Variants in CKAP5 observed in about 807,000 individuals in gnomAD.
CKAP5 encodes the protein cytoskeleton-associated protein 5.
CKAP5 carries 27 observed loss-of-function variants against 232.8 expected under a neutral mutation model. The ratio of observed to expected loss-of-function variants is 0.12; its 90% CI spans 0.09 to 0.16. The LOEUF (loss-of-function observed/expected upper bound fraction) is 0.16. CKAP5 is among the 10% of genes least tolerant of loss of function. CKAP5 has a pLI of 1.00. For missense variants in CKAP5, 1,838 were observed against 2,424.7 expected (o/e 0.76, Z 5.08); for synonymous variants, 785 against 841.1 (o/e 0.93, Z 1.16).
chr11:46,790,763 C>CA (rs1938700331), intron 13 of CKAP5, among the ~76,000 whole-genome samples, 180 bp from the exon 14 acceptor site: 1 of 152,110 alleles, frequency 6.6e-6, no homozygotes, highest in Non-Finnish European at 1.5e-5. Flanking sequence ...CTTCCCACCT[C>CA]AGCCTACTGT....
Position 46,795,717 on chromosome 11 carries a change from A to G in CKAP5, c.1527T>C (p.Ala509=), listed in dbSNP as rs750823299. The G allele has an allele frequency of 1.2e-6, 2 of 1,614,114 alleles. No individual in the cohort carries two copies. The highest frequency in any genetic ancestry group is 2.2e-5 in the East Asian group (1 of 44,888). Residue 509 remains alanine, a synonymous_variant, in exon 13 of 44, where the codon GCT becomes GCC. Transcript: ENST00000529230. ...GCAGAGGTTTGAATTCCTTCTTATC[A>G]GCAGCTAGTCCAGCTTTCTTACCAT... The part of the protein sequence containing the change: ...LIHGKKAGLA[A]DKKEFKPLPG...
chr11:46,829,838 A>ATGTGTGTGTGTGTG (rs57602333), intron 1 of CKAP5, among the ~76,000 whole-genome samples: 2 of 143,032 alleles, frequency 1.4e-5, no homozygotes, highest in Middle Eastern at 3.3e-3. Flanking sequence ...CCTTTTTTGT[A>ATGTGTGTGTGTGTG]TGTGTGTGTG....
intron 1 of CKAP5, among the ~76,000 whole-genome samples, chr11:46,826,154 G>C (rs1235696121): frequency 6.6e-6 from 1 of 152,192 alleles, no homozygotes; most frequent in Non-Finnish European, 1.5e-5. Context: ...TTCCTTCAGA[G>C]ATGGAGAGGG....
chr11:46,770,298 TCA>T (rs1565726551), intron 25 of CKAP5, 200 bp from the exon 26 acceptor site: 1 of 599,100 alleles, frequency 1.7e-6, no homozygotes, highest in Admixed American at 2.9e-5. Context: ...TTCTAGAAGG[TCA>T]CAGTTTTCAC....
intron 22 of CKAP5, 34 bp from the exon 23 acceptor site, chr11:46,777,586 C>T (rs777789362): frequency 1.3e-5 from 19 of 1,432,782 alleles, no homozygotes; most frequent in Admixed American, 1.0e-4. Context: ...TATGTTGAAA[C>T]GATAAGCAAG....
At chr11:46,798,716 T>C (rs868709621) in intron 9 of CKAP5, among the ~76,000 whole-genome samples, 2 of 152,152 alleles carry the variant, frequency 1.3e-5, no homozygotes, top group African/African-American at 4.8e-5. Flanking sequence ...GGAGAGACTG[T>C]TAATGGGCAA....
intron 24 of CKAP5, 48 bp from the exon 25 acceptor site, chr11:46,771,030 T>C: frequency 6.7e-7 from 1 of 1,499,510 alleles, no homozygotes; most frequent in Non-Finnish European, 9.2e-7. Context: ...TGAAGACTGT[T>C]ATCATTTATG....
Position 46,811,128 on chromosome 11 carries a change from G to A in CKAP5, c.509C>T (p.Pro170Leu). ...CTTCTCTCGAGACTCAAAGAGTTTTGGCAACACTTTGATAATTGGCTTAAG... is the reference window on the plus strand; with the variant it reads ...CTTCTCTCGAGACTCAAAGAGTTTTAGCAACACTTTGATAATTGGCTTAAG... ...ILLKPIIKVL[P>L]KLFESREKAV... is the part of the protein sequence containing the mutation. The change falls in exon 5 of 44, where the codon CCA becomes CTA. Residue 170 changes from proline (P) to leucine (L), a missense_variant. Pro to Leu is a moderately conservative substitution (Grantham distance 98). Transcript: ENST00000529230. 6.2e-7 allele frequency: 1 copy of A among 1,613,836 alleles called. No homozygotes were observed.
intron 4 of CKAP5, 95 bp downstream of exon 4, chr11:46,816,103 T>G: frequency 1.0e-6 from 1 of 988,306 alleles, no homozygotes. Flanking sequence ...CACACAATTC[T>G]TCCATGGAAA....
intron 1 of CKAP5, among the ~76,000 whole-genome samples, chr11:46,827,749 T>C (rs1185475407): frequency 6.6e-6 from 1 of 152,188 alleles, no homozygotes; most frequent in East Asian, 1.9e-4. Context: ...GCCAATACAA[T>C]TGTAATGTGC....
intron 4 of CKAP5, among the ~76,000 whole-genome samples, chr11:46,815,100 T>C (rs1207094621): frequency 2.0e-5 from 3 of 152,086 alleles, no homozygotes; most frequent in Admixed American, 6.5e-5. Context: ...ACCCAGGCTG[T>C]AGTGCAGTGG....
intron 27 of CKAP5, among the ~76,000 whole-genome samples, chr11:46,766,336 G>A (rs1333958206): frequency 6.6e-6 from 1 of 152,174 alleles, no homozygotes; most frequent in Non-Finnish European, 1.5e-5. Context: ...AAACACTCGT[G>A]ATCTAAACTA....
chr11:46,790,380 C>A, intron 14 of CKAP5, 90 bp downstream of exon 14: 3 of 982,988 alleles, frequency 3.1e-6, no homozygotes, highest in South Asian at 2.9e-5. Context: ...ATTAACTGTA[C>A]GTTGTAGAAC....
At chr11:46,816,425 C>CA (rs1350947242) in intron 3 of CKAP5, 21 bp from the exon 4 acceptor site, 1 of 1,600,808 alleles carries the variant, frequency 6.2e-7, no homozygotes, top group Admixed American at 1.7e-5. Context: ...TTATAAAGAA[C>CA]AAAAATCCCA....
intron 1 of CKAP5, among the ~76,000 whole-genome samples, chr11:46,837,544 T>C (rs749231127): frequency 5.9e-5 from 9 of 152,204 alleles, no homozygotes; most frequent in Non-Finnish European, 1.3e-4. Flanking sequence ...TCTAATAGCA[T>C]TCTCCAATAA....
intron 18 of CKAP5, among the ~76,000 whole-genome samples, chr11:46,782,706 G>C (rs919202906): frequency 2.0e-5 from 3 of 152,126 alleles, no homozygotes; most frequent in Non-Finnish European, 4.4e-5. Flanking sequence ...CTGTGCCTTA[G>C]TCCTCATCTA....
intron 1 of CKAP5, among the ~76,000 whole-genome samples, chr11:46,844,691 G>C (rs1940138534): frequency 6.6e-6 from 1 of 152,094 alleles, no homozygotes; most frequent in Non-Finnish European, 1.5e-5. Flanking sequence ...ACCCAGGCTA[G>C]AGTGCAATGG....
chr11:46,807,993 GCTGTTACAATAC>G, intron 8 of CKAP5, 26 bp downstream of exon 8: 3 of 1,412,356 alleles, frequency 2.1e-6, no homozygotes, highest in Non-Finnish European at 2.0e-6. Flanking sequence ...AGGCCTGATG[GCTGTTACAATAC>G]CAGTACTGCA....
chr11:46,773,543 C>T (rs1220027038), intron 24 of CKAP5, among the ~76,000 whole-genome samples: 1 of 151,214 alleles, frequency 6.6e-6, no homozygotes, highest in Non-Finnish European at 1.5e-5. Flanking sequence ...GCCACTGCAA[C>T]TGGACTTTTT....
Sources: gnomAD v4.1 joint callset for allele counts (sites outside exome capture counted in the v4.1 genomes callset) on GRCh38, gnomAD v4.1.1 for gene constraint, MANE v1.5 for transcripts, NCBI Gene and HGNC (gene_info 2026-07-23, HGNC 2026-07-21) for gene names.